The following SUPT3H variants were observed in gnomAD, a reference collection of about 807,000 sequenced individuals.
SUPT3H encodes SPT3 homolog, SAGA and STAGA complex component, also known as transcription initiation protein SPT3 homolog.
Under a neutral mutation model 44.3 loss-of-function variants are expected in SUPT3H, and 44 were observed. The observed-to-expected ratio is 0.99, with a 90% CI of 0.78 to 1.28. The LOEUF (loss-of-function observed/expected upper bound fraction) is 1.28, where lower values mean the gene tolerates loss of function less well. Among genes scored for constraint, SUPT3H ranks in the 50% most tolerant of loss-of-function variants. SUPT3H has a pLI of 0.00. For synonymous variants in SUPT3H, 124 were observed against 125.6 expected, an observed-to-expected ratio of 0.99 and a Z score of 0.09; for missense variants, 380 against 387.1, an observed-to-expected ratio of 0.98 and a Z score of 0.15.
At chr6:45,262,263 C>T (rs552494348) in intron 2 of SUPT3H, among the ~76,000 whole-genome samples, 1 of 151,746 alleles carries the variant, frequency 6.6e-6, no homozygotes, top group African/African-American at 2.4e-5. Flanking sequence ...CCTAGACAGC[C>T]AAAGCAATTC....
At chr6:44,845,304 T>A (rs1373037384) in intron 10 of SUPT3H, among the ~76,000 whole-genome samples, 1 of 152,144 alleles carries the variant, frequency 6.6e-6, no homozygotes, top group East Asian at 1.9e-4. Context: ...ATCTAAGCCA[T>A]CCATTCATAA....
In SUPT3H at chr6:45,119,872, AAAAAG is replaced by A. The variant is rs549595635; in HGVS notation, c.102-13871_102-13867del. Among the ~76,000 whole-genome samples, 506 of 152,308 alleles carry A rather than the reference AAAAAG, an allele frequency of 3.3e-3. 4 individuals are homozygous for A. The highest frequency in any genetic ancestry group is 0.012 in the African/African-American group (486 of 41,564). Reference sequence around the variant, plus strand: ...TTTTTAAAGGCAGCAAATACTTTTAAAAAAGAAAAGGAAAAAAATGAGTCTGAAAA... The same window carrying A: ...TTTTTAAAGGCAGCAAATACTTTTAAAAAAGGAAAAAAATGAGTCTGAAAA... On this transcript the variant is annotated intron_variant, in intron 2 of 10. Coordinates refer to ENST00000371459, the MANE Select transcript of SUPT3H (RefSeq NM_003599.4).
chr6:45,085,678 G>T (rs893468170), intron 3 of SUPT3H, among the ~76,000 whole-genome samples: 1 of 152,032 alleles, frequency 6.6e-6, no homozygotes, highest in Non-Finnish European at 1.5e-5. Flanking sequence ...TCTCTTGCTT[G>T]TATATGTTTT....
At chr6:45,184,492 T>C (rs1039063422) in intron 2 of SUPT3H, among the ~76,000 whole-genome samples, 1 of 152,098 alleles carries the variant, frequency 6.6e-6, no homozygotes, top group Non-Finnish European at 1.5e-5. Context: ...AGTGCTTCTA[T>C]GTGAACAAAA....
chr6:45,154,272 C>T (rs185720994), intron 2 of SUPT3H, among the ~76,000 whole-genome samples: 58 of 151,714 alleles, frequency 3.8e-4, no homozygotes, highest in Middle Eastern at 3.4e-3. Flanking sequence ...GTGTTTGAAA[C>T]GAAACAATTG....
intron 4 of SUPT3H, among the ~76,000 whole-genome samples, chr6:45,019,155 C>T (rs1784743329): frequency 6.6e-6 from 1 of 152,104 alleles, no homozygotes; most frequent in Non-Finnish European, 1.5e-5. Context: ...GTAGTATTCT[C>T]TGATGGTAGT....
intron 2 of SUPT3H, among the ~76,000 whole-genome samples, chr6:45,146,312 AC>A (rs1274635724): frequency 6.6e-6 from 1 of 152,146 alleles, no homozygotes; most frequent in Non-Finnish European, 1.5e-5. Flanking sequence ...ATATGTATAT[AC>A]TAAATGGAAT....
Position 45,281,074 on chromosome 6 carries a change from T to G in SUPT3H, c.101+84127A>C, listed in dbSNP as rs558866713. Among the ~76,000 whole-genome samples the G allele has an allele frequency of 1.1e-4, 16 of 152,326 alleles. 1 individual carries two copies. The South Asian group carries it at 3.3e-3, about 32-fold the overall frequency. On this transcript the variant is annotated intron_variant, in intron 2 of 10. Coordinates refer to ENST00000371459, the MANE Select transcript of SUPT3H (RefSeq NM_003599.4). Reference sequence around the variant, plus strand: ...TCAAATTAAGCAACTTATAAAAGACTGTTTTAGTTTTTAATATCTTTAAAA... The same window carrying G: ...TCAAATTAAGCAACTTATAAAAGACGGTTTTAGTTTTTAATATCTTTAAAA...
chr6:45,014,322 T>C (rs942912875), intron 5 of SUPT3H, among the ~76,000 whole-genome samples: 1 of 152,130 alleles, frequency 6.6e-6, no homozygotes, highest in Non-Finnish European at 1.5e-5. Context: ...GTCTGAAGCA[T>C]GGTGTTAACT....
intron 4 of SUPT3H, among the ~76,000 whole-genome samples, chr6:45,019,783 T>C (rs1291190857): frequency 1.3e-5 from 2 of 152,018 alleles, no homozygotes; most frequent in Non-Finnish European, 2.9e-5. Context: ...CCTTGAAGTT[T>C]CATGAGTCTT....
chr6:44,861,240 C>T (rs1482122744), intron 10 of SUPT3H, among the ~76,000 whole-genome samples: 5 of 152,066 alleles, frequency 3.3e-5, no homozygotes, highest in African/African-American at 1.2e-4. Context: ...CCACACCTGG[C>T]TAGTTGTTTT....
intron 2 of SUPT3H, among the ~76,000 whole-genome samples, chr6:45,285,301 T>C (rs1327692467): frequency 2.0e-5 from 3 of 152,110 alleles, no homozygotes; most frequent in African/African-American, 7.2e-5. Context: ...GGAAGTCAAA[T>C]TGTCCCTGTC....
downstream of SUPT3H, among the ~76,000 whole-genome samples, chr6:44,823,406 T>C (rs144348534): frequency 1.4e-4 from 22 of 151,912 alleles, no homozygotes; most frequent in African/African-American, 5.1e-4. Flanking sequence ...AAGAGGCAGA[T>C]TGATTTTGCA....
chr6:44,856,897 C>T (rs942258177), intron 10 of SUPT3H, among the ~76,000 whole-genome samples: 15 of 152,130 alleles, frequency 9.9e-5, no homozygotes, highest in African/African-American at 3.6e-4. Context: ...AACAGTTTGA[C>T]ATGGAACTCA....
chr6:45,197,900 C>G (rs962346645), intron 2 of SUPT3H: 4 of 165,040 alleles, frequency 2.4e-5, no homozygotes, highest in East Asian at 1.9e-4. Flanking sequence ...AAACTTAAAG[C>G]TGTATTTCTC....
chr6:45,113,250 C>G (rs1211018263), intron 2 of SUPT3H, among the ~76,000 whole-genome samples: 1 of 152,082 alleles, frequency 6.6e-6, no homozygotes, highest in African/African-American at 2.4e-5. Context: ...TAAACTAGTA[C>G]TAGATGATGT....
At chr6:45,342,648 G>A (rs565484627) in intron 2 of SUPT3H, among the ~76,000 whole-genome samples, 7 of 152,038 alleles carry the variant, frequency 4.6e-5, no homozygotes, top group African/African-American at 1.7e-4. Context: ...CACAGTAGCA[G>A]GATTTTGGAA....
chr6:44,860,138 T>C (rs1774392678), intron 10 of SUPT3H, among the ~76,000 whole-genome samples: 1 of 152,208 alleles, frequency 6.6e-6, no homozygotes, highest in South Asian at 2.1e-4. Flanking sequence ...TGTCCACTGA[T>C]AAGGTCGTGG....
chr6:45,084,870 C>T (rs1796294144), intron 3 of SUPT3H, among the ~76,000 whole-genome samples: 1 of 152,084 alleles, frequency 6.6e-6, no homozygotes. Flanking sequence ...AACAGAAAGC[C>T]AAATACTGCA....
Sources: allele counts gnomAD v4.1 joint callset (sites outside exome capture counted in the v4.1 genomes callset), GRCh38; gene constraint gnomAD v4.1.1; transcripts MANE v1.5; gene names NCBI Gene and HGNC (gene_info 2026-07-23, HGNC 2026-07-21).